The following ERGIC2 variants were observed in gnomAD, a reference collection of about 807,000 sequenced individuals.
ERGIC2 encodes ERGIC and golgi 2, also known as endoplasmic reticulum-Golgi intermediate compartment protein 2.
ERGIC2 carries 31 observed loss-of-function variants against 52.5 expected under a neutral mutation model. The ratio of observed to expected loss-of-function variants is 0.59; its 90% CI spans 0.44 to 0.80. The LOEUF (loss-of-function observed/expected upper bound fraction) is 0.80. Among genes scored for constraint, ERGIC2 ranks in the 30% least tolerant of loss-of-function variants. ERGIC2 has a pLI of 0.00. For synonymous variants in ERGIC2, 129 were observed against 140.6 expected, an observed-to-expected ratio of 0.92 and a Z score of 0.58; for missense variants, 395 against 455.2, an observed-to-expected ratio of 0.87 and a Z score of 1.20.
At chr12:29,360,892 T>C (rs1036154449) in intron 6 of ERGIC2, among the ~76,000 whole-genome samples, 3 of 151,700 alleles carry the variant, frequency 2.0e-5, no homozygotes, top group Non-Finnish European at 4.4e-5. Context: ...ACACTAACTA[T>C]AGCTGATCAG....
chr12:29,340,632 T>C lies in ERGIC2; in HGVS notation c.*524A>G, dbSNP rs1405928547. 4.0e-6 allele frequency: 1 copy of C among 251,662 alleles called. No homozygotes were observed. Among genetic ancestry groups the C allele is most frequent in the East Asian group, 1.3e-4 (1 of 7,910 alleles). The allele number at this position is 251,662 out of a possible 1,614,324, so 15.6% of individuals were successfully genotyped here. A position where few individuals can be genotyped will look rare whatever the true frequency, so the allele number is the denominator to read the frequency against. ...CAATATGGCTTAACATTAATATGGC[T>C]ATAACATAGGGACTAGCCCGTTTTT... On this transcript the variant is annotated 3_prime_UTR_variant, in exon 14 of 14. Transcript: ENST00000360150.
At chr12:29,354,063 A>G (rs1257164737) in intron 8 of ERGIC2, among the ~76,000 whole-genome samples, 1 of 152,122 alleles carries the variant, frequency 6.6e-6, no homozygotes, top group East Asian at 1.9e-4. Context: ...TTACTGGACA[A>G]CAGCCACAGA....
chr12:29,363,090 C>T (rs1182617455), intron 5 of ERGIC2, among the ~76,000 whole-genome samples: 33 of 152,174 alleles, frequency 2.2e-4, no homozygotes, highest in Admixed American at 2.2e-3. Flanking sequence ...TTTTACTCCT[C>T]TTCCCTTTTT....
At chr12:29,355,938 C>T (rs529484629) in intron 8 of ERGIC2, among the ~76,000 whole-genome samples, 20 of 152,180 alleles carry the variant, frequency 1.3e-4, no homozygotes, top group African/African-American at 3.4e-4. Context: ...CCCCAGACAA[C>T]AATCTCAAGA....
chr12:29,374,931 C>G (rs891829995), intron 1 of ERGIC2, among the ~76,000 whole-genome samples: 5 of 152,136 alleles, frequency 3.3e-5, no homozygotes, highest in Non-Finnish European at 5.9e-5. Flanking sequence ...AACTTCCCTT[C>G]CCACTACACT....
At chr12:29,365,474 A>G (rs923672629) in intron 5 of ERGIC2, among the ~76,000 whole-genome samples, 2 of 151,778 alleles carry the variant, frequency 1.3e-5, no homozygotes, top group African/African-American at 2.4e-5. Context: ...GGGAGGGAGA[A>G]GGAAAAGGAT....
At chr12:29,341,366 T>A (rs985499998) in intron 13 of ERGIC2, 148 bp from the exon 14 acceptor site, 116 of 675,774 alleles carry the variant, frequency 1.7e-4, no homozygotes, top group Non-Finnish European at 2.8e-4. Context: ...TTTCTCTATC[T>A]CTCTATCTCT....
Position 29,341,740 on chromosome 12 carries a change from G to T in ERGIC2, c.1065C>A (p.Val355=). 1.3e-6 allele frequency: 2 copies of T among 1,565,362 alleles called. No individual in the cohort carries two copies. Among genetic ancestry groups the T allele is most frequent in the South Asian group, 2.2e-5 (2 of 89,660 alleles). ...TGTATACTACACCACTTACAGAATTGACAGGTTTATAGGATCCAAGTCTGA... is the reference window on the plus strand; with the variant it reads ...TGTATACTACACCACTTACAGAATTTACAGGTTTATAGGATCCAAGTCTGA... ...CRFRLGSYKP[V]NSVPFEDGHT... is the part of the protein sequence containing the mutation. The change falls in exon 13 of 14, where the codon GTC becomes GTA. Residue 355 remains valine, a synonymous_variant. Transcript: ENST00000360150.
At chr12:29,341,293 T>G (rs1449784786) in intron 13 of ERGIC2, 75 bp from the exon 14 acceptor site, 17 of 1,203,220 alleles carry the variant, frequency 1.4e-5, no homozygotes, top group Admixed American at 2.2e-5. Flanking sequence ...AAACACAAGG[T>G]TTTATTTTGG....
At chr12:29,357,936 T>C (rs578134815) in intron 6 of ERGIC2, among the ~76,000 whole-genome samples, 1 of 152,326 alleles carries the variant, frequency 6.6e-6, no homozygotes, top group South Asian at 2.1e-4. Context: ...CTGAGCTCCA[T>C]AAGCTTGTTT....
intron 5 of ERGIC2, 123 bp from the exon 6 acceptor site, chr12:29,361,808 T>A (rs1940290661): frequency 1.7e-6 from 1 of 601,286 alleles, no homozygotes; most frequent in Non-Finnish European, 2.7e-6. Context: ...CAAGTATTCA[T>A]GGTTTACATT....
chr12:29,341,675 T>C (rs1164010355), intron 13 of ERGIC2, 59 bp downstream of exon 13: 2 of 920,942 alleles, frequency 2.2e-6, no homozygotes, highest in East Asian at 2.5e-5. Flanking sequence ...GACTGGCTCA[T>C]AGACTTAACA....
chr12:29,368,036 A>G (rs1940389132), intron 4 of ERGIC2, among the ~76,000 whole-genome samples: 1 of 151,852 alleles, frequency 6.6e-6, no homozygotes, highest in South Asian at 2.1e-4. Flanking sequence ...CTAATGTGAA[A>G]GTTTTATCTC....
At chr12:29,349,290 T>A in intron 9 of ERGIC2, 113 bp from the exon 10 acceptor site, 1 of 477,046 alleles carries the variant, frequency 2.1e-6, no homozygotes, top group Non-Finnish European at 3.7e-6. Flanking sequence ...TTTAAAATCT[T>A]CAAGGATAAT....
intron 6 of ERGIC2, among the ~76,000 whole-genome samples, chr12:29,359,027 A>G (rs1940247615): frequency 6.6e-6 from 1 of 152,152 alleles, no homozygotes; most frequent in Non-Finnish European, 1.5e-5. Flanking sequence ...GGAAAGTATT[A>G]TAGAACACCA....
rs1361136246 is a variant in ERGIC2 at position 29,343,288 on chromosome 12, A to G, written c.826-6T>C. On this transcript the variant is annotated splice_polypyrimidine_tract_variant and splice_region_variant and intron_variant, in intron 11 of 13. Coordinates refer to ENST00000360150, the MANE Select transcript of ERGIC2 (RefSeq NM_016570.3). ...GCATGGTTAATGATACGTTCCTAAA[A>G]GGGAGGCAAAAGGAAGGGGAGAAAT... 7 of 1,575,612 alleles carry G rather than the reference A, an allele frequency of 4.4e-6. No individual in the cohort carries two copies. Among genetic ancestry groups the G allele is most frequent in the African/African-American group, 1.4e-5 (1 of 73,502 alleles).
intron 13 of ERGIC2, 114 bp downstream of exon 13, chr12:29,341,620 G>A (rs1420015144): frequency 3.4e-5 from 22 of 649,864 alleles, no homozygotes; most frequent in Admixed American, 1.5e-4. Flanking sequence ...CGATCCTCCC[G>A]CCTTAGCCTC....
intron 11 of ERGIC2, among the ~76,000 whole-genome samples, chr12:29,345,115 T>C (rs575333936): frequency 1.3e-5 from 2 of 152,356 alleles, no homozygotes; most frequent in East Asian, 3.9e-4. Context: ...GAACTGCTTA[T>C]ATCAATTTAT....
chr12:29,341,233 A>C lies in ERGIC2; in HGVS notation c.1072-15T>G. 6.3e-7 allele frequency: 1 copy of C among 1,592,888 alleles called. No individual in the cohort carries two copies. The highest frequency in any genetic ancestry group is 8.6e-7 in the Non-Finnish European group (1 of 1,165,326). ...TCAAAAGGAACCTAAGGAGAAAAGG[A>C]GGGAAAAAAAGACCAAAGAATTAGT... On this transcript the variant is annotated splice_polypyrimidine_tract_variant and intron_variant, in intron 13 of 13. Transcript: ENST00000360150.
Sources: gnomAD v4.1 joint callset for allele counts (sites outside exome capture counted in the v4.1 genomes callset) on GRCh38, gnomAD v4.1.1 for gene constraint, MANE v1.5 for transcripts, NCBI Gene and HGNC (gene_info 2026-07-23, HGNC 2026-07-21) for gene names.